The following GTPBP2 variants were observed in gnomAD, a reference collection of about 807,000 sequenced individuals.
GTPBP2 encodes GTP binding protein 2.
A neutral mutation model predicts 63.0 loss-of-function variants in GTPBP2; 32 were observed. The ratio of observed to expected loss-of-function variants is 0.51; its 90% CI spans 0.38 to 0.68. The LOEUF (loss-of-function observed/expected upper bound fraction) is 0.68. GTPBP2 is among the 30% of genes least tolerant of loss of function. The pLI, the probability that GTPBP2 is intolerant of heterozygous loss-of-function variation, is 0.00. For missense variants in GTPBP2, 492 were observed against 796.9 expected (o/e 0.62, Z 4.61); for synonymous variants, 310 against 322.6 (o/e 0.96, Z 0.42).
chr6:43,626,288 C>T lies in GTPBP2; in HGVS notation c.336G>A (p.Leu112=). ...GCATTTCCTCCTCAGCCAGCCCCACCAGCAGCCCATTGTCCTCTACCCCAA... is the reference window on the plus strand; with the variant it reads ...GCATTTCCTCCTCAGCCAGCCCCACTAGCAGCCCATTGTCCTCTACCCCAA... ...YQIGVEDNGL[L]VGLAEEEMRA... The change falls in exon 3 of 12, where the codon CTG becomes CTA. Residue 112 remains leucine, a synonymous_variant. Transcript: ENST00000307126. This position sits in a 1 kb window ranked among gnomAD's most constrained non-coding sequence, Gnocchi z 4.0. 1 of 1,614,228 alleles carries T rather than the reference C, an allele frequency of 6.2e-7. No homozygotes were observed. The highest frequency in any genetic ancestry group is 8.5e-7 in the Non-Finnish European group (1 of 1,180,024).
chr6:43,628,583 C>T, intron 1 of GTPBP2: 1 of 980,582 alleles, frequency 1.0e-6, no homozygotes, highest in Non-Finnish European at 1.2e-6. Context: ...GGGTACTCCC[C>T]TTCTCCCTGT....
intron 9 of GTPBP2, chr6:43,623,157 G>A (rs1296705088): frequency 4.6e-6 from 1 of 215,118 alleles, no homozygotes; most frequent in Non-Finnish European, 9.3e-6. Context: ...TGGGGAGGCT[G>A]AGGCAGGTGG....
intron 1 of GTPBP2, chr6:43,628,748 G>A (rs1769643933): frequency 7.8e-6 from 6 of 771,174 alleles, no homozygotes; most frequent in Non-Finnish European, 1.4e-5. Context: ...TCAGAAGGGG[G>A]AGTCCTCCCT....
At position 43,621,270 on chromosome 6, in the gene GTPBP2, C is replaced by A. The variant is rs1768698534; in HGVS notation, c.*344G>T. The A allele has an allele frequency of 5.8e-6, 3 of 518,284 alleles. No homozygotes were observed. In the Admixed American group the frequency reaches 8.0e-5, roughly 14 times the overall value. 32.1% of individuals were successfully genotyped at this position (518,284 alleles called of 1,614,324 possible). A position where few individuals can be genotyped will look rare whatever the true frequency, so the allele number is the denominator to read the frequency against. Reference sequence around the variant, plus strand: ...CCATTCCTGAAGTGCAGAGACCACACCAGCAAAACATGCCCAGTCTTAGTA... The same window carrying A: ...CCATTCCTGAAGTGCAGAGACCACAACAGCAAAACATGCCCAGTCTTAGTA... On this transcript the variant is annotated 3_prime_UTR_variant, in exon 12 of 12. Transcript: ENST00000307126.
chr6:43,629,435 G>A (rs1267004729), upstream of GTPBP2: 8 of 564,812 alleles, frequency 1.4e-5, no homozygotes, highest in East Asian at 1.3e-4. Context: ...GTGGCCGCGG[G>A]AGTCGTCGGA....
rs1259737825 is a variant in GTPBP2, at chr6:43,625,276, C to T, written c.705+87G>A. ...TCATCTATACTATTTCAAAAAGTCTCCACACTCTACCCCCATCCTATGTCC... is the reference window on the plus strand; with the variant it reads ...TCATCTATACTATTTCAAAAAGTCTTCACACTCTACCCCCATCCTATGTCC... On this transcript the variant is annotated intron_variant, in intron 5 of 11. Coordinates refer to ENST00000307126, the MANE Select transcript of GTPBP2 (RefSeq NM_019096.5). The surrounding 1 kb of genome is among the most constrained non-coding windows in gnomAD (Gnocchi z 5.1). 1.5e-6 allele frequency: 2 copies of T among 1,313,580 alleles called. No homozygotes were observed. The highest frequency in any genetic ancestry group is 1.4e-5 in the African/African-American group (1 of 69,084). The allele number at this position is 1,313,580 out of a possible 1,614,324, so 81.4% of individuals were successfully genotyped here.
In GTPBP2 at chr6:43,626,468, T is replaced by C. The variant is rs890513960; in HGVS notation, c.214-58A>G. The C allele has an allele frequency of 8.8e-5, 123 of 1,397,162 alleles. No individual in the cohort carries two copies. Among genetic ancestry groups the C allele is most frequent in the Middle Eastern group, 1.9e-4 (1 of 5,168 alleles). The allele number at this position is 1,397,162 out of a possible 1,614,324, so 86.5% of individuals were successfully genotyped here. ...CAGAGGTGTTCCTCCCAAACCTACA[T>C]GGTCCCCACCTGTTCTGCTGCAAGG... On this transcript the variant is annotated intron_variant, in intron 2 of 11. Coordinates refer to ENST00000307126, the MANE Select transcript of GTPBP2 (RefSeq NM_019096.5). The surrounding 1 kb of genome is among the most constrained non-coding windows in gnomAD (Gnocchi z 4.0).
In GTPBP2 at chr6:43,622,166, C is replaced by T; in HGVS notation, c.1469G>A (p.Gly490Asp). ...GDFDRALLRK[G>D]MVMVSPEMNP... is the part of the protein sequence containing the mutation. The stretch of plus-strand genomic sequence containing the variant: ...CATCTCCGGGCTCACCATCACCATG[C>T]CCTGGGGAGGAACAGACCCCAGGCC... Residue 490 changes from glycine (G) to aspartate (D), a missense_variant and splice_region_variant, in exon 11 of 12, where the codon GGC becomes GAC. Coordinates refer to ENST00000307126, the MANE Select transcript of GTPBP2 (RefSeq NM_019096.5). This position sits in a 1 kb window ranked among gnomAD's most constrained non-coding sequence, Gnocchi z 5.4. The T allele has an allele frequency of 6.2e-7, 1 of 1,608,904 alleles. No homozygotes were observed. Among genetic ancestry groups the T allele is most frequent in the Non-Finnish European group, 8.5e-7 (1 of 1,175,774 alleles).
rs1020425909 is a variant in GTPBP2 at position 43,621,307 on chromosome 6, G to T, written c.*307C>A. Reference sequence around the variant, plus strand: ...GCCCAGTCTTAGTAGTGGGGACGAAGAATTGATGAGTGGATCCAGTCAGCT... The same window carrying T: ...GCCCAGTCTTAGTAGTGGGGACGAATAATTGATGAGTGGATCCAGTCAGCT... On this transcript the variant is annotated 3_prime_UTR_variant, in exon 12 of 12. Coordinates refer to ENST00000307126, the MANE Select transcript of GTPBP2 (RefSeq NM_019096.5). 1.9e-4 allele frequency: 156 copies of T among 821,384 alleles called. 2 individuals carry two copies. The Middle Eastern group carries it at 2.2e-3, about 12-fold the overall frequency. 50.9% of individuals were successfully genotyped at this position (821,384 alleles called of 1,614,324 possible). A position where few individuals can be genotyped will look rare whatever the true frequency, so the allele number is the denominator to read the frequency against.
chr6:43,629,411 G>C, upstream of GTPBP2: 4 of 570,582 alleles, frequency 7.0e-6, no homozygotes, highest in South Asian at 8.6e-5. Flanking sequence ...CTCCCAGGAG[G>C]CATCGCGGCG....
upstream of GTPBP2, among the ~76,000 whole-genome samples, chr6:43,630,162 C>G (rs995668297): frequency 6.6e-6 from 1 of 152,230 alleles, no homozygotes; most frequent in African/African-American, 2.4e-5. Context: ...GGAATAGAAA[C>G]TTGGCCTAGG....
intron 1 of GTPBP2, 150 bp downstream of exon 1, chr6:43,628,827 G>C: frequency 1.1e-6 from 1 of 908,116 alleles, no homozygotes; most frequent in Non-Finnish European, 1.9e-6. Flanking sequence ...CTGGGGTCCC[G>C]GGACCTGAAA....
Position 43,622,286 on chromosome 6 carries a change from C to T in GTPBP2, c.1468-119G>A, listed in dbSNP as rs1385112400. ...TCCTCTTCCTCTACACAACTCTAAA[C>T]ACAAAGACCTCAAAAGACAATAATC... On this transcript the variant is annotated intron_variant, in intron 10 of 11. Transcript: ENST00000307126. The surrounding 1 kb of genome is among the most constrained non-coding windows in gnomAD (Gnocchi z 5.4). 3 of 811,132 alleles carry T rather than the reference C, an allele frequency of 3.7e-6. No homozygotes were observed. The highest frequency in any genetic ancestry group is 5.8e-6 in the Non-Finnish European group (3 of 521,384). The allele number at this position is 811,132 out of a possible 1,614,324, so 50.2% of individuals were successfully genotyped here.
Position 43,621,584 on chromosome 6 carries a change from C to T in GTPBP2, c.*30G>A. 5.0e-6 allele frequency: 8 copies of T among 1,614,062 alleles called. No homozygotes were observed. The highest frequency in any genetic ancestry group is 4.2e-6 in the Non-Finnish European group (5 of 1,179,926). ...GAAGTCACCTTATATATTGTAGGGA[C>T]AGCAATAGAACTGTCCCTGCCTGAA... On this transcript the variant is annotated 3_prime_UTR_variant, in exon 12 of 12. Transcript: ENST00000307126.
In GTPBP2 at chr6:43,622,624, C is replaced by G; in HGVS notation, c.1467+9G>C. 6.2e-7 allele frequency: 1 copy of G among 1,606,036 alleles called. No individual in the cohort carries two copies. Among genetic ancestry groups the G allele is most frequent in the Non-Finnish European group, 8.5e-7 (1 of 1,173,446 alleles). ...AGCGTTCCCTCCCCAACCCATGCAC[C>G]CACCTCACCTTGCGAAGCAGTGCAC... On this transcript the variant is annotated intron_variant, in intron 10 of 11. Transcript: ENST00000307126. The surrounding 1 kb of genome is among the most constrained non-coding windows in gnomAD (Gnocchi z 5.4).
chr6:43,628,794 A>C lies in GTPBP2; in HGVS notation c.186+183T>G, dbSNP rs768658003. 1.2e-5 allele frequency: 10 copies of C among 811,194 alleles called. No homozygotes were observed. In the East Asian group the frequency reaches 2.4e-4, roughly 20 times the overall value. 50.2% of individuals were successfully genotyped at this position (811,194 alleles called of 1,614,324 possible). Reference sequence around the variant, plus strand: ...CCTCCCTGAGGTCCTGTCACCTGAGAGTCCAGTCTCTGCCCTTCCTCCCTG... The same window carrying C: ...CCTCCCTGAGGTCCTGTCACCTGAGCGTCCAGTCTCTGCCCTTCCTCCCTG... On this transcript the variant is annotated intron_variant, in intron 1 of 11. Coordinates refer to ENST00000307126, the MANE Select transcript of GTPBP2 (RefSeq NM_019096.5).
At position 43,622,637 on chromosome 6, in the gene GTPBP2, C is replaced by G; in HGVS notation, c.1463G>C (p.Arg488Pro). 6.2e-7 allele frequency: 1 copy of G among 1,610,414 alleles called. No homozygotes were observed. ...ALGDFDRALL[R>P]KGMVMVSPEM... ...CAACCCATGCACCCACCTCACCTTG[C>G]GAAGCAGTGCACGGTCAAAGTCCCC... The change falls in exon 10 of 12, where the codon CGC (arginine) becomes CCC (proline). Residue 488 changes from arginine to proline, a missense_variant. Physicochemically the swap from Arg to Pro is moderately radical, Grantham distance 103. Transcript: ENST00000307126. The surrounding 1 kb of genome is among the most constrained non-coding windows in gnomAD (Gnocchi z 5.4).
intron 9 of GTPBP2, chr6:43,623,454 TG>T (rs1281344847): frequency 4.3e-6 from 2 of 466,978 alleles, no homozygotes; most frequent in Non-Finnish European, 7.6e-6. Context: ...CTGTGTGAGA[TG>T]AAGTCAGTTG....
In GTPBP2 at chr6:43,625,848, T is replaced by A. The variant is rs746464734; in HGVS notation, c.415A>T (p.Thr139Ser). The A allele has an allele frequency of 5.0e-6, 8 of 1,613,818 alleles. No individual in the cohort carries two copies. The highest frequency in any genetic ancestry group is 6.8e-6 in the Non-Finnish European group (8 of 1,179,752). Residue 139 changes from threonine (T) to serine (S), a missense_variant, in exon 4 of 12, where the codon ACC becomes TCC. This residue lies in a region of GTPBP2 where 400 missense variants were observed against 710.8 expected (regional missense o/e 0.56). Transcript: ENST00000307126. The surrounding 1 kb of genome is among the most constrained non-coding windows in gnomAD (Gnocchi z 5.1). ...TCCACTTCTCGCTCTCGAAGAACGGTTATGTCTGCCCCAACCCTGTCACAG... is the reference window on the plus strand; with the variant it reads ...TCCACTTCTCGCTCTCGAAGAACGGATATGTCTGCCCCAACCCTGTCACAG... ...RMAEKVGADI[T>S]VLREREVDYD...
Sources: allele counts gnomAD v4.1 joint callset (sites outside exome capture counted in the v4.1 genomes callset), GRCh38; gene constraint gnomAD v4.1.1; regional missense constraint gnomAD v4.1.1; non-coding constraint Gnocchi (gnomAD v3.1); transcripts MANE v1.5; gene names NCBI Gene and HGNC (gene_info 2026-07-23, HGNC 2026-07-21).